The following CDK5RAP2 variants were observed in gnomAD, a reference collection of about 807,000 sequenced individuals.
CDK5RAP2 encodes the protein CDK5 regulatory subunit-associated protein 2.
In CDK5RAP2, 147 loss-of-function variants were observed where a neutral mutation model predicts 232.9. The ratio of observed to expected loss-of-function variants is 0.63; its 90% CI spans 0.55 to 0.72. CDK5RAP2 has a LOEUF of 0.72. CDK5RAP2 is among the 30% of genes least tolerant of loss of function. CDK5RAP2 has a pLI of 0.00. For synonymous variants in CDK5RAP2, 833 were observed against 833.7 expected (o/e 1.00, Z 0.01); for missense variants, 2,195 against 2,231.5 (o/e 0.98, Z 0.33).
intron 7 of CDK5RAP2, among the ~76,000 whole-genome samples, chr9:120,530,815 C>T (rs1156444536): frequency 1.5e-5 from 2 of 134,346 alleles, no homozygotes; most frequent in East Asian, 2.2e-4. Context: ...AATGAGAACA[C>T]TTGGACACAG....
intron 12 of CDK5RAP2, among the ~76,000 whole-genome samples, chr9:120,503,457 T>C (rs1181173882): frequency 6.6e-6 from 1 of 152,142 alleles, no homozygotes; most frequent in Non-Finnish European, 1.5e-5. Context: ...AATAAATGTT[T>C]TGGGGAGGCA....
chr9:120,501,635 A>G (rs2039579777), intron 12 of CDK5RAP2, among the ~76,000 whole-genome samples: 2 of 152,172 alleles, frequency 1.3e-5, no homozygotes, highest in African/African-American at 4.8e-5. Flanking sequence ...TGCTGTGACC[A>G]TGAGAATACG....
chr9:120,559,743 T>C (rs1169090959), intron 3 of CDK5RAP2, among the ~76,000 whole-genome samples: 1 of 152,134 alleles, frequency 6.6e-6, no homozygotes, highest in Non-Finnish European at 1.5e-5. Context: ...AGCCATGTGT[T>C]ACTGTGGAAG....
intron 25 of CDK5RAP2, among the ~76,000 whole-genome samples, chr9:120,434,451 G>C (rs2035459585): frequency 6.6e-6 from 1 of 152,084 alleles, no homozygotes; most frequent in Non-Finnish European, 1.5e-5. Context: ...TTTGATTTGG[G>C]GGCAGAGATG....
At chr9:120,487,692 C>G (rs1198754923) in intron 13 of CDK5RAP2, among the ~76,000 whole-genome samples, 2 of 152,188 alleles carry the variant, frequency 1.3e-5, no homozygotes, top group Non-Finnish European at 2.9e-5. Context: ...TACAAACCGT[C>G]CTCGCTCACC....
At position 120,426,957 on chromosome 9, in the gene CDK5RAP2, G is replaced by A. The variant is rs188595360; in HGVS notation, c.3956-4216C>T. On this transcript the variant is annotated intron_variant, in intron 25 of 37. Coordinates refer to ENST00000349780, the MANE Select transcript of CDK5RAP2 (RefSeq NM_018249.6). ...AGAGTATAATGAGGCATGTCTGACC[G>A]CCCCCCACTTTCCCATCATGGTCTG... Among the ~76,000 whole-genome samples the A allele has an allele frequency of 1.8e-4, 28 of 152,190 alleles. No individual in the cohort carries two copies. In the East Asian group the frequency reaches 4.8e-3, roughly 26 times the overall value.
chr9:120,415,177 T>C lies in CDK5RAP2; in HGVS notation c.4178-18A>G. ...TAGTAAGTCTACAGGAAGGAAGCCA[T>C]TTTTAATTTAAAGTCTGAACCCCCA... On this transcript the variant is annotated intron_variant, in intron 27 of 37. Coordinates refer to ENST00000349780, the MANE Select transcript of CDK5RAP2 (RefSeq NM_018249.6). The C allele has an allele frequency of 6.2e-7, 1 of 1,613,386 alleles. No homozygotes were observed.
chr9:120,427,172 G>C (rs2034961283), intron 25 of CDK5RAP2, among the ~76,000 whole-genome samples: 1 of 152,162 alleles, frequency 6.6e-6, no homozygotes, highest in Non-Finnish European at 1.5e-5. Context: ...AAAAATGAGA[G>C]AAATCAGGGG....
At chr9:120,545,888 G>T in intron 4 of CDK5RAP2, 98 bp from the exon 5 acceptor site, 1 of 937,220 alleles carries the variant, frequency 1.1e-6, no homozygotes, top group South Asian at 1.3e-5. Flanking sequence ...ACTGACTACA[G>T]GATGCTTGTA....
intron 18 of CDK5RAP2, among the ~76,000 whole-genome samples, chr9:120,461,974 A>G (rs1257211951): frequency 6.6e-6 from 1 of 152,240 alleles, no homozygotes; most frequent in Non-Finnish European, 1.5e-5. Context: ...GAATCCCTAC[A>G]TTTAGTCAAT....
intron 11 of CDK5RAP2, among the ~76,000 whole-genome samples, chr9:120,520,379 C>T (rs1316418352): frequency 6.6e-6 from 1 of 152,058 alleles, no homozygotes; most frequent in Non-Finnish European, 1.5e-5. Context: ...TGATGGCTCA[C>T]TCCTGTAATC....
At chr9:120,431,674 T>C (rs2035294184) in intron 25 of CDK5RAP2, among the ~76,000 whole-genome samples, 1 of 152,236 alleles carries the variant, frequency 6.6e-6, no homozygotes, top group Non-Finnish European at 1.5e-5. Flanking sequence ...TTCACTTCTT[T>C]CAGCAGAGAA....
chr9:120,525,169 C>T, intron 10 of CDK5RAP2, 91 bp from the exon 11 acceptor site: 1 of 997,010 alleles, frequency 1.0e-6, no homozygotes, highest in South Asian at 1.3e-5. Context: ...TTGTGTCGTG[C>T]TTATAATCAA....
intron 25 of CDK5RAP2, among the ~76,000 whole-genome samples, chr9:120,429,455 T>A (rs1239329726): frequency 6.6e-6 from 1 of 152,176 alleles, no homozygotes; most frequent in South Asian, 2.1e-4. Flanking sequence ...AGCATTCTTA[T>A]ACACCAATAA....
At chr9:120,397,542 C>T (rs141346508) in intron 35 of CDK5RAP2, among the ~76,000 whole-genome samples, 21 of 34,008 alleles carry the variant, frequency 6.2e-4, no homozygotes, top group African/African-American at 1.5e-3. Context: ...TAAAAACATT[C>T]TTAAAAAAAA....
intron 14 of CDK5RAP2, among the ~76,000 whole-genome samples, chr9:120,482,818 C>T (rs181696154): frequency 2.0e-5 from 3 of 152,330 alleles, no homozygotes; most frequent in Admixed American, 2.0e-4. Context: ...TAATGGAAGT[C>T]AGACTGAGTC....
chr9:120,516,525 A>G (rs1211589245), intron 12 of CDK5RAP2, among the ~76,000 whole-genome samples: 2 of 152,152 alleles, frequency 1.3e-5, no homozygotes, highest in Non-Finnish European at 2.9e-5. Flanking sequence ...ATAATAAAAA[A>G]TAAAAAATAA....
intron 35 of CDK5RAP2, among the ~76,000 whole-genome samples, chr9:120,397,501 G>C (rs554187917): frequency 5.8e-5 from 8 of 137,916 alleles, no homozygotes; most frequent in African/African-American, 2.0e-4. Flanking sequence ...GAAAGTGCTG[G>C]GATTACAGGC....
At chr9:120,491,686 A>C (rs1411369968) in intron 12 of CDK5RAP2, among the ~76,000 whole-genome samples, 1 of 152,258 alleles carries the variant, frequency 6.6e-6, no homozygotes, top group Non-Finnish European at 1.5e-5. Flanking sequence ...TTATGAACAG[A>C]TATTTATCAC....
Sources: allele counts gnomAD v4.1 joint callset (sites outside exome capture counted in the v4.1 genomes callset), GRCh38; gene constraint gnomAD v4.1.1; transcripts MANE v1.5; gene names NCBI Gene and HGNC (gene_info 2026-07-23, HGNC 2026-07-21).